The following TRPS1 variants were observed in gnomAD, a reference collection of about 807,000 sequenced individuals.
TRPS1 encodes zinc finger transcription factor Trps1.
Under a neutral mutation model 101.2 loss-of-function variants are expected in TRPS1, and 6 were observed. That is an observed-to-expected ratio of 0.06 (90% CI 0.03 to 0.12). TRPS1 has a LOEUF of 0.12. Ranked by LOEUF, TRPS1 falls within the 10% of genes least tolerant of loss-of-function variation. TRPS1 has a pLI of 1.00. For missense variants in TRPS1, 1,363 were observed against 1,567.0 expected, an observed-to-expected ratio of 0.87 and a Z score of 2.20; for synonymous variants, 578 against 589.8, an observed-to-expected ratio of 0.98 and a Z score of 0.29.
intron 5 of TRPS1, among the ~76,000 whole-genome samples, chr8:115,551,849 T>A (rs988932267): frequency 2.6e-5 from 4 of 152,212 alleles, no homozygotes; most frequent in Non-Finnish European, 5.9e-5. Context: ...CTTAATTTAG[T>A]GTATCCCCTT....
At chr8:115,486,781 T>A (rs899854405) in intron 5 of TRPS1, among the ~76,000 whole-genome samples, 3 of 152,118 alleles carry the variant, frequency 2.0e-5, no homozygotes, top group Non-Finnish European at 2.9e-5. Flanking sequence ...AGAAGAAAAA[T>A]CTTAATCTAG....
At chr8:115,581,037 G>A (rs1020426062) in intron 5 of TRPS1, among the ~76,000 whole-genome samples, 9 of 151,914 alleles carry the variant, frequency 5.9e-5, no homozygotes, top group Non-Finnish European at 4.4e-5. Flanking sequence ...ACAAAATGAG[G>A]TAAATACACA....
intron 5 of TRPS1, among the ~76,000 whole-genome samples, chr8:115,562,518 A>C (rs1199958218): frequency 6.6e-6 from 1 of 152,036 alleles, no homozygotes; most frequent in Non-Finnish European, 1.5e-5. Flanking sequence ...GGAAAAAAAA[A>C]AAAAAAGCTT....
intron 5 of TRPS1, among the ~76,000 whole-genome samples, chr8:115,426,752 T>C (rs948525035): frequency 6.6e-6 from 1 of 152,164 alleles, no homozygotes; most frequent in Non-Finnish European, 1.5e-5. Context: ...CCTCACAAAA[T>C]GTATCCAAAG....
intron 4 of TRPS1, among the ~76,000 whole-genome samples, chr8:115,599,705 G>A (rs745327509): frequency 6.6e-6 from 1 of 152,160 alleles, no homozygotes; most frequent in Non-Finnish European, 1.5e-5. Flanking sequence ...ATTCCGTGGT[G>A]TATATGTGCC....
chr8:115,470,829 G>A (rs1486646506), intron 5 of TRPS1, among the ~76,000 whole-genome samples: 1 of 152,012 alleles, frequency 6.6e-6, no homozygotes, highest in African/African-American at 2.4e-5. Flanking sequence ...TGTATTCTGG[G>A]GACATTCCTT....
chr8:115,429,173 A>G (rs975105316), intron 5 of TRPS1, among the ~76,000 whole-genome samples: 7 of 152,354 alleles, frequency 4.6e-5, no homozygotes, highest in Non-Finnish European at 8.8e-5. Flanking sequence ...GGAAAGTCCT[A>G]TAATAGGCTG....
At chr8:115,543,036 C>A (rs1358914510) in intron 5 of TRPS1, among the ~76,000 whole-genome samples, 1 of 151,966 alleles carries the variant, frequency 6.6e-6, no homozygotes, top group African/African-American at 2.4e-5. Flanking sequence ...ACGATTTCAG[C>A]AAGTCATTAT....
intron 5 of TRPS1, among the ~76,000 whole-genome samples, chr8:115,585,464 G>C (rs1165798561): frequency 6.6e-6 from 1 of 152,046 alleles, no homozygotes. Flanking sequence ...GGAAGGAAAG[G>C]GGTTCCGGTG....
At chr8:115,422,217 T>A (rs371208472) in intron 5 of TRPS1, among the ~76,000 whole-genome samples, 10 of 151,772 alleles carry the variant, frequency 6.6e-5, no homozygotes, top group Non-Finnish European at 8.8e-5. Context: ...AAAAAAAAAA[T>A]ATTTTAGGAA....
At chr8:115,616,952 A>G (rs1818289074) in intron 3 of TRPS1, among the ~76,000 whole-genome samples, 2 of 152,202 alleles carry the variant, frequency 1.3e-5, no homozygotes, top group Admixed American at 1.3e-4. Flanking sequence ...AAACTGTTCA[A>G]TATTTATTTC....
chr8:115,559,344 G>A (rs1816895709), intron 5 of TRPS1, among the ~76,000 whole-genome samples: 1 of 151,916 alleles, frequency 6.6e-6, no homozygotes, highest in South Asian at 2.1e-4. Context: ...TTAAATCTAG[G>A]TATTCATCTT....
intron 5 of TRPS1, among the ~76,000 whole-genome samples, chr8:115,484,500 A>G (rs890032022): frequency 4.6e-5 from 7 of 152,210 alleles, no homozygotes; most frequent in African/African-American, 1.4e-4. Context: ...AAATAAGGAC[A>G]CAAAGTCAGT....
intron 5 of TRPS1, among the ~76,000 whole-genome samples, chr8:115,475,173 A>G (rs1420016293): frequency 6.6e-6 from 1 of 151,124 alleles, no homozygotes; most frequent in Non-Finnish European, 1.5e-5. Context: ...TAAAACACAC[A>G]TCTAGTTATG....
Position 115,604,702 on chromosome 8 carries a change from G to A in TRPS1, c.1267C>T (p.Pro423Ser), listed in dbSNP as rs200055313. 6.2e-7 allele frequency: 1 copy of A among 1,613,906 alleles called. No individual in the cohort carries two copies. Among genetic ancestry groups the A allele is most frequent in the Admixed American group, 1.7e-5 (1 of 59,960 alleles). The stretch of plus-strand genomic sequence containing the variant: ...TTTATGGGCACTGAGTACCCAACAG[G>A]AGTGTCATCTCCTGCTTTGACTGTT... ...KITVKAGDDTPVGYSVPIKPL... is the reference protein window; with the variant it reads ...KITVKAGDDTSVGYSVPIKPL... The change falls in exon 4 of 7, where the codon CCT (proline) becomes TCT (serine). Residue 423 changes from proline to serine, a missense_variant. Pro to Ser is a moderately conservative substitution (Grantham distance 74). Coordinates refer to ENST00000395715, the MANE Select transcript of TRPS1 (RefSeq NM_014112.5). This position sits in a 1 kb window ranked among gnomAD's most constrained non-coding sequence, Gnocchi z 4.1.
At chr8:115,454,290 T>G (rs1284546440) in intron 5 of TRPS1, among the ~76,000 whole-genome samples, 1 of 152,218 alleles carries the variant, frequency 6.6e-6, no homozygotes, top group Non-Finnish European at 1.5e-5. Flanking sequence ...AAAATTCAAA[T>G]AGTTTTCTGG....
At chr8:115,603,486 T>C (rs1288337672) in intron 4 of TRPS1, among the ~76,000 whole-genome samples, 3 of 152,198 alleles carry the variant, frequency 2.0e-5, no homozygotes, top group Non-Finnish European at 2.9e-5. Context: ...ATATTTACAA[T>C]AGCATCTTTC....
At position 115,454,193 on chromosome 8, in the gene TRPS1, G is replaced by C. The variant is rs1351945721; in HGVS notation, c.2701-35741C>G. Among the ~76,000 whole-genome samples the C allele has an allele frequency of 2.0e-5, 3 of 152,004 alleles. No individual in the cohort carries two copies. In the East Asian group the frequency reaches 5.8e-4, roughly 29 times the overall value. ...ACATACCTCACAGTATGTCTTGTTG[G>C]GGCCATCAGTGTCCTCCATGCTGGC... On this transcript the variant is annotated intron_variant, in intron 5 of 6. Transcript: ENST00000395715.
intron 6 of TRPS1, among the ~76,000 whole-genome samples, chr8:115,417,652 A>G (rs1812954208): frequency 2.0e-5 from 3 of 152,182 alleles, no homozygotes; most frequent in Admixed American, 2.0e-4. Flanking sequence ...AAATTTGAGG[A>G]AAAGTAATTC....
Sources: allele counts gnomAD v4.1 joint callset (sites outside exome capture counted in the v4.1 genomes callset), GRCh38; gene constraint gnomAD v4.1.1; non-coding constraint Gnocchi (gnomAD v3.1); transcripts MANE v1.5; gene names NCBI Gene and HGNC (gene_info 2026-07-23, HGNC 2026-07-21).